The following ESRRB variants were observed in gnomAD, a reference collection of about 807,000 sequenced individuals.
The protein encoded by ESRRB is estrogen related receptor beta.
Under a neutral mutation model 46.0 loss-of-function variants are expected in ESRRB, and 16 were observed. That is an observed-to-expected ratio of 0.35 (90% CI 0.24 to 0.53). The LOEUF is 0.53. Among genes scored for constraint, ESRRB ranks in the 20% least tolerant of loss-of-function variants. The pLI is 0.93. For missense variants in ESRRB, 488 were observed against 607.4 expected, an observed-to-expected ratio of 0.80 and a Z score of 2.07; for synonymous variants, 246 against 259.6, an observed-to-expected ratio of 0.95 and a Z score of 0.50.
At chr14:76,460,646 G>A (rs117590606) in intron 2 of ESRRB, among the ~76,000 whole-genome samples, 3 of 152,032 alleles carry the variant, frequency 2.0e-5, no homozygotes, top group Non-Finnish European at 4.4e-5. Flanking sequence ...GACAGGAGTC[G>A]AAGAGACACA....
intron 1 of ESRRB, among the ~76,000 whole-genome samples, chr14:76,397,242 C>T (rs541622222): frequency 6.6e-6 from 1 of 152,320 alleles, no homozygotes; most frequent in East Asian, 1.9e-4. Context: ...GCCTGTGGGG[C>T]CTGAGCCCCC....
chr14:76,417,503 G>T (rs1886756143), intron 1 of ESRRB, among the ~76,000 whole-genome samples: 1 of 152,164 alleles, frequency 6.6e-6, no homozygotes, highest in Non-Finnish European at 1.5e-5. Context: ...CAGTGGATGT[G>T]GTGTTATTAA....
At chr14:76,354,931 G>T (rs933658107) in intron 1 of ESRRB, among the ~76,000 whole-genome samples, 7 of 151,862 alleles carry the variant, frequency 4.6e-5, no homozygotes, top group Non-Finnish European at 7.4e-5. Flanking sequence ...GGCTGGTCTC[G>T]AACTCCTGAC....
chr14:76,404,018 T>G (rs1886058006), intron 1 of ESRRB, among the ~76,000 whole-genome samples: 1 of 152,194 alleles, frequency 6.6e-6, no homozygotes, highest in African/African-American at 2.4e-5. Flanking sequence ...CATGCCCGGC[T>G]GGGAGCAGGA....
Position 76,498,918 on chromosome 14 carries a change from C to A in ESRRB, c.*460C>A. The A allele has an allele frequency of 1.9e-6, 1 of 517,436 alleles. No homozygotes were observed. Among genetic ancestry groups the A allele is most frequent in the South Asian group, 1.5e-5 (1 of 68,504 alleles). 32.1% of individuals were successfully genotyped at this position (517,436 alleles called of 1,614,324 possible). ...TTTCCTTCCGCAGAGGGCAGGTACG[C>A]AAGGGACAACAGTATCTTTCTTCCA... On this transcript the variant is annotated 3_prime_UTR_variant, in exon 7 of 7. Coordinates refer to ENST00000644823, the MANE Select transcript of ESRRB (RefSeq NM_001379180.1).
At chr14:76,468,537 G>A (rs1253416227) in intron 3 of ESRRB, among the ~76,000 whole-genome samples, 1 of 152,008 alleles carries the variant, frequency 6.6e-6, no homozygotes, top group Non-Finnish European at 1.5e-5. Flanking sequence ...TGAAGACGAA[G>A]GAGATGATCT....
At chr14:76,367,479 C>T (rs1391706988), upstream of ESRRB, among the ~76,000 whole-genome samples, 2 of 151,480 alleles carry the variant, frequency 1.3e-5, no homozygotes, top group African/African-American at 4.9e-5. Flanking sequence ...ATTGTTTGAG[C>T]CTGGGAAGTC....
At chr14:76,367,632 C>T (rs1884539000), upstream of ESRRB, among the ~76,000 whole-genome samples, 1 of 152,040 alleles carries the variant, frequency 6.6e-6, no homozygotes, top group South Asian at 2.1e-4. Context: ...GGGAGCTGCC[C>T]TCCTGAACTT....
At chr14:76,321,828 A>G (rs1301892812) in intron 1 of ESRRB, among the ~76,000 whole-genome samples, 1 of 151,848 alleles carries the variant, frequency 6.6e-6, no homozygotes, top group Non-Finnish European at 1.5e-5. Flanking sequence ...CGGAGCTTGC[A>G]GTGAGCCGAG....
In ESRRB at chr14:76,410,943, C is replaced by T. The variant is rs775575951; in HGVS notation, c.51-28398C>T. On this transcript the variant is annotated intron_variant, in intron 1 of 6. Coordinates refer to ENST00000644823, the MANE Select transcript of ESRRB (RefSeq NM_001379180.1). ...AGATTACAGGCAAGTGCCACCAAGC[C>T]CGGCTAATTTTTGTATTTTTCGCAG... 8.9e-4 allele frequency among the ~76,000 whole-genome samples: 135 copies of T among 151,960 alleles called. 1 individual carries two copies. In the Middle Eastern group the frequency reaches 0.01, roughly 11 times the overall value.
Position 76,332,789 on chromosome 14 carries a change from TA to T in ESRRB, c.2+21876del, listed in dbSNP as rs1470150426. ...TATAATATATATTATATATTATATA[TA>T]AATATATAATATATTTATATATTAT... On this transcript the variant is annotated intron_variant, in intron 1 of 6. Transcript: ENST00000512784. Among the ~76,000 whole-genome samples, 49 of 10,554 alleles carry T rather than the reference TA, an allele frequency of 4.6e-3. 1 individual carries two copies. Among genetic ancestry groups the T allele is most frequent in the African/African-American group, 0.014 (42 of 2,984 alleles). 6.9% of individuals were successfully genotyped at this position (10,554 alleles called of 152,430 possible).
In ESRRB at chr14:76,498,443, G is replaced by A. The variant is rs370354103; in HGVS notation, c.1350G>A (p.Leu450=). Residue 450 remains leucine (L), a synonymous_variant, in exon 7 of 7, where the codon CTG becomes CTA. Coordinates refer to ENST00000644823, the MANE Select transcript of ESRRB (RefSeq NM_001379180.1). The part of the protein sequence containing the change: ...VPMHKLFLEM[L]EAKV ...TGCACAAACTCTTCCTGGAGATGCT[G>A]GAGGCCAAGGTGTGATGGCCCCGCA... 7.4e-6 allele frequency: 12 copies of A among 1,613,260 alleles called. No individual in the cohort carries two copies. In the African/African-American group the frequency reaches 1.2e-4, roughly 16 times the overall value.
intron 1 of ESRRB, among the ~76,000 whole-genome samples, chr14:76,436,934 T>C (rs546278365): frequency 6.6e-6 from 1 of 152,294 alleles, no homozygotes; most frequent in East Asian, 1.9e-4. Flanking sequence ...TGTTATCTTT[T>C]ATCTTTGTGT....
At chr14:76,385,972 G>T (rs900234942) in intron 1 of ESRRB, among the ~76,000 whole-genome samples, 1 of 152,170 alleles carries the variant, frequency 6.6e-6, no homozygotes, top group African/African-American at 2.4e-5. Context: ...CATATAGTAG[G>T]TGTGCATTAA....
chr14:76,410,329 C>G (rs757555682), intron 1 of ESRRB, among the ~76,000 whole-genome samples: 4 of 152,124 alleles, frequency 2.6e-5, no homozygotes, highest in Non-Finnish European at 5.9e-5. Context: ...AAAAGTAATA[C>G]ATTCACATGT....
At chr14:76,311,151 T>C (rs1165838932) in intron 1 of ESRRB, among the ~76,000 whole-genome samples, 1 of 152,058 alleles carries the variant, frequency 6.6e-6, no homozygotes, top group African/African-American at 2.4e-5. Flanking sequence ...GGTCTCTGGA[T>C]GGCTAGGTGG....
intron 3 of ESRRB, among the ~76,000 whole-genome samples, chr14:76,466,099 C>T (rs1474183378): frequency 2.6e-5 from 4 of 151,936 alleles, no homozygotes; most frequent in Non-Finnish European, 4.4e-5. Context: ...CAGACTCTGA[C>T]GGGACTCTAA....
intron 1 of ESRRB, among the ~76,000 whole-genome samples, chr14:76,378,182 G>A (rs1159178901): frequency 1.3e-5 from 2 of 152,174 alleles, no homozygotes; most frequent in Non-Finnish European, 2.9e-5. Context: ...AGTTGAGCAC[G>A]AAATACTTAT....
At chr14:76,469,932 T>TTTTTTG (rs1889299430) in intron 3 of ESRRB, among the ~76,000 whole-genome samples, 1 of 134,010 alleles carries the variant, frequency 7.5e-6, no homozygotes, top group African/African-American at 2.8e-5. Context: ...TTTTGTTGTT[T>TTTTTTG]TTTTTTTTTT....
Sources: allele counts gnomAD v4.1 joint callset (sites outside exome capture counted in the v4.1 genomes callset), GRCh38; gene constraint gnomAD v4.1.1; transcripts MANE v1.5; gene names NCBI Gene and HGNC (gene_info 2026-07-23, HGNC 2026-07-21).